ATP10A: variants seen among roughly 807,000 people sequenced by gnomAD.
ATP10A encodes the protein ATPase phospholipid transporting 10A (putative), also known as phospholipid-transporting ATPase VA.
Under a neutral mutation model 147.8 loss-of-function variants are expected in ATP10A, and 111 were observed. The ratio of observed to expected loss-of-function variants is 0.75; its 90% CI spans 0.64 to 0.88. ATP10A has a LOEUF of 0.88. Among genes scored for constraint, ATP10A ranks in the 40% least tolerant of loss-of-function variants. The probability of loss-of-function intolerance (pLI) is 0.00; values close to 1 mark genes in which losing one functional copy is unlikely to be tolerated. For missense variants in ATP10A, 1,927 were observed against 1,959.0 expected, an observed-to-expected ratio of 0.98 and a Z score of 0.31; for synonymous variants, 875 against 841.6, an observed-to-expected ratio of 1.04 and a Z score of -0.69.
intron 7 of ATP10A, 129 bp from the exon 8 acceptor site, chr15:25,718,528 C>A (rs1434823317): frequency 7.6e-6 from 7 of 925,044 alleles, no homozygotes; most frequent in Non-Finnish European, 1.1e-5. Flanking sequence ...ACCACCCTTG[C>A]TCTCTAATAG....
intron 1 of ATP10A, among the ~76,000 whole-genome samples, chr15:25,854,990 C>A (rs111471671): frequency 1.4e-5 from 2 of 147,238 alleles, no homozygotes; most frequent in Non-Finnish European, 3.0e-5. Context: ...ACCTGGGAGG[C>A]GGAGGTTGCA....
chr15:25,801,263 C>A (rs1194145085), intron 1 of ATP10A, among the ~76,000 whole-genome samples: 1 of 152,116 alleles, frequency 6.6e-6, no homozygotes, highest in Non-Finnish European at 1.5e-5. Context: ...TCCAGGGGCC[C>A]TTCCACTGCA....
intron 2 of ATP10A, among the ~76,000 whole-genome samples, chr15:25,752,363 T>C (rs916871420): frequency 2.0e-5 from 3 of 152,204 alleles, no homozygotes; most frequent in Non-Finnish European, 4.4e-5. Flanking sequence ...TGGATGGAAC[T>C]AGACAACATT....
At chr15:25,688,396 C>T (rs1194721933) in intron 15 of ATP10A, among the ~76,000 whole-genome samples, 1 of 152,122 alleles carries the variant, frequency 6.6e-6, no homozygotes, top group East Asian at 1.9e-4. Context: ...CGGGCAGTGG[C>T]CGTGTGCAGG....
chr15:25,720,634 G>C (rs1211123525), intron 7 of ATP10A, among the ~76,000 whole-genome samples: 2 of 151,780 alleles, frequency 1.3e-5, no homozygotes, highest in Non-Finnish European at 2.9e-5. Context: ...GGCCGAAGGA[G>C]GCTGGTGGGA....
rs1459148827 is a variant in ATP10A at position 25,787,233 on chromosome 15, C to T, written c.450-6010G>A. Among the ~76,000 whole-genome samples the T allele has an allele frequency of 4.6e-5, 7 of 152,014 alleles. No homozygotes were observed. The East Asian group carries it at 9.7e-4, about 21-fold the overall frequency. On this transcript the variant is annotated intron_variant, in intron 1 of 20. Transcript: ENST00000555815. ...AATATCTCATGAAGACTATAAAGTG[C>T]TAAGCAAAAAAGTTCTTCCATTTTT...
chr15:25,685,337 T>C (rs1899652522), intron 16 of ATP10A, among the ~76,000 whole-genome samples: 1 of 152,202 alleles, frequency 6.6e-6, no homozygotes, highest in Admixed American at 6.5e-5. Flanking sequence ...TTCTCCTTTC[T>C]GCACCCTTCA....
intron 1 of ATP10A, among the ~76,000 whole-genome samples, chr15:25,815,652 A>G (rs1891623556): frequency 6.6e-5 from 1 of 15,246 alleles, no homozygotes; most frequent in Non-Finnish European, 1.7e-4. Flanking sequence ...AAACCCAAAA[A>G]TGAATTCTGC....
intron 1 of ATP10A, among the ~76,000 whole-genome samples, chr15:25,822,864 C>G (rs1286716005): frequency 6.6e-6 from 1 of 152,080 alleles, no homozygotes; most frequent in Admixed American, 6.6e-5. Flanking sequence ...CTAATTTCAA[C>G]CTAAAATAAA....
intron 1 of ATP10A, among the ~76,000 whole-genome samples, chr15:25,850,727 C>T (rs2140909725): frequency 6.6e-6 from 1 of 152,024 alleles, no homozygotes; most frequent in East Asian, 1.9e-4. Flanking sequence ...CCGCGCTCAC[C>T]TCCCCTCCTG....
intron 12 of ATP10A, among the ~76,000 whole-genome samples, chr15:25,702,419 G>A (rs1223060195): frequency 1.3e-5 from 2 of 152,216 alleles, no homozygotes; most frequent in Non-Finnish European, 2.9e-5. Flanking sequence ...TTTCTAACTT[G>A]TAACTTTACA....
downstream of ATP10A, among the ~76,000 whole-genome samples, chr15:25,676,157 GT>G (rs1406395006): frequency 1.3e-5 from 2 of 152,148 alleles, no homozygotes; most frequent in African/African-American, 4.8e-5. Flanking sequence ...GTCCAAACAG[GT>G]GCATTTTCAG....
At chr15:25,807,360 G>A (rs1891233215) in intron 1 of ATP10A, among the ~76,000 whole-genome samples, 1 of 152,240 alleles carries the variant, frequency 6.6e-6, no homozygotes, top group Admixed American at 6.5e-5. Context: ...CTGCCTCTGT[G>A]TCCAGCCACA....
chr15:25,681,422 T>C (rs977326035), intron 17 of ATP10A, among the ~76,000 whole-genome samples: 1 of 152,180 alleles, frequency 6.6e-6, no homozygotes, highest in Non-Finnish European at 1.5e-5. Flanking sequence ...TTTGTCTTCC[T>C]TTACCTCGCT....
intron 1 of ATP10A, among the ~76,000 whole-genome samples, chr15:25,845,007 T>G (rs1892955136): frequency 6.6e-6 from 1 of 152,196 alleles, no homozygotes; most frequent in Non-Finnish European, 1.5e-5. Flanking sequence ...AGGTTTTCCA[T>G]AAACTCCTAC....
At chr15:25,762,780 A>G (rs1385033359) in intron 2 of ATP10A, among the ~76,000 whole-genome samples, 2 of 150,286 alleles carry the variant, frequency 1.3e-5, no homozygotes, top group South Asian at 2.1e-4. Context: ...AGGTTTTGCT[A>G]CGTTGCCCAG....
At chr15:25,684,505 G>T (rs1481919991) in intron 16 of ATP10A, among the ~76,000 whole-genome samples, 1 of 152,202 alleles carries the variant, frequency 6.6e-6, no homozygotes, top group Non-Finnish European at 1.5e-5. Flanking sequence ...GTGTATGGTG[G>T]TGAGTGGTAT....
chr15:25,769,990 G>A (rs1889250300), intron 2 of ATP10A, among the ~76,000 whole-genome samples: 1 of 152,202 alleles, frequency 6.6e-6, no homozygotes, highest in Non-Finnish European at 1.5e-5. Flanking sequence ...AAGCCCAGGA[G>A]AGAGGCCTCA....
chr15:25,749,129 T>G (rs903758021), intron 2 of ATP10A, among the ~76,000 whole-genome samples: 1 of 149,052 alleles, frequency 6.7e-6, no homozygotes, highest in Admixed American at 6.7e-5. Flanking sequence ...CAAGATCACC[T>G]ACTATGTCTC....
Sources: gnomAD v4.1 joint callset for allele counts (sites outside exome capture counted in the v4.1 genomes callset) on GRCh38, gnomAD v4.1.1 for gene constraint, MANE v1.5 for transcripts, NCBI Gene and HGNC (gene_info 2026-07-23, HGNC 2026-07-21) for gene names.